TRHDE: variants seen among roughly 807,000 people sequenced by gnomAD.
TRHDE encodes the protein thyrotropin releasing hormone degrading enzyme.
Under a neutral mutation model 125.7 loss-of-function variants are expected in TRHDE, and 72 were observed. The observed-to-expected ratio is 0.57, with a 90% CI of 0.47 to 0.70. TRHDE has a LOEUF of 0.70. Among genes scored for constraint, TRHDE ranks in the 30% least tolerant of loss-of-function variants. TRHDE has a pLI of 0.00. For missense variants in TRHDE, 1,110 were observed against 1,327.1 expected (o/e 0.84, Z 2.54); for synonymous variants, 509 against 509.1 (o/e 1.00, Z 0.00).
chr12:72,426,488 A>G lies in TRHDE; in HGVS notation c.1316-43270A>G, dbSNP rs572358195. On this transcript the variant is annotated intron_variant, in intron 3 of 18. Transcript: ENST00000261180. ...TGCCAGACTCTTTTATAAATAATCT[A>G]CATGTATCTACTCCATTAATCCTAA... Among the ~76,000 whole-genome samples the G allele has an allele frequency of 1.3e-4, 20 of 152,284 alleles. 2 individuals carry two copies. The South Asian group carries it at 3.9e-3, about 30-fold the overall frequency.
chr12:72,238,283 T>C (rs1878378728), intron 2 of TRHDE, among the ~76,000 whole-genome samples: 1 of 16,842 alleles, frequency 5.9e-5, no homozygotes, highest in Non-Finnish European at 1.1e-4. Context: ...TTAATATATA[T>C]ATATATATAT....
intron 5 of TRHDE, among the ~76,000 whole-genome samples, chr12:72,495,232 A>G (rs1213401747): frequency 1.3e-5 from 2 of 151,952 alleles, no homozygotes; most frequent in Admixed American, 1.3e-4. Flanking sequence ...TCCTTCAGCA[A>G]CACCTTGTTC....
chr12:72,345,082 T>G (rs1870255715), intron 2 of TRHDE, among the ~76,000 whole-genome samples: 1 of 152,238 alleles, frequency 6.6e-6, no homozygotes, highest in Admixed American at 6.5e-5. Flanking sequence ...CAAATAGAAC[T>G]TCGCTTGTTA....
chr12:72,491,509 T>C (rs751441157), intron 5 of TRHDE, among the ~76,000 whole-genome samples: 1 of 151,950 alleles, frequency 6.6e-6, no homozygotes, highest in Non-Finnish European at 1.5e-5. Context: ...TTTTGTGTTC[T>C]ATCTTAGCAT....
intron 2 of TRHDE, among the ~76,000 whole-genome samples, chr12:72,121,683 T>G (rs1483917939): frequency 6.6e-6 from 1 of 151,758 alleles, no homozygotes; most frequent in African/African-American, 2.4e-5. Flanking sequence ...CTGGGTACTG[T>G]GATAGCTCAC....
In TRHDE at chr12:72,199,453, T is replaced by G. The variant is rs564801157; in HGVS notation, n.279+93701T>G. ...ACTACCTGGATAGAGCCTGTTGGGC[T>G]GGTGAAACTACCTGGAAACTATTGA... On this transcript the variant is annotated intron_variant and non_coding_transcript_variant, in intron 2 of 4. Transcript: ENST00000548156. Among the ~76,000 whole-genome samples the G allele has an allele frequency of 2.0e-5, 3 of 152,296 alleles. No homozygotes were observed. In the East Asian group the frequency reaches 5.8e-4, roughly 29 times the overall value.
chr12:72,239,644 AG>A (rs1248731599), intron 2 of TRHDE, among the ~76,000 whole-genome samples: 1 of 152,198 alleles, frequency 6.6e-6, no homozygotes, highest in African/African-American at 2.4e-5. Flanking sequence ...GAGCAATGGA[AG>A]GATGCAATTG....
chr12:72,295,140 GAT>G (rs2135678558), intron 2 of TRHDE, among the ~76,000 whole-genome samples: 1 of 146,710 alleles, frequency 6.8e-6, no homozygotes, highest in Admixed American at 6.8e-5. Context: ...GTGGCTGGGG[GAT>G]GGGGGGTGGT....
rs967689169 is a variant in TRHDE at position 72,613,739 on chromosome 12, G to T, written c.2322-5152G>T. ...GAAAATAGGTGCCTAAGTCAAGTTTGGGATCAGGCTTTCTGGAAGAGAAGG... is the reference window on the plus strand; with the variant it reads ...GAAAATAGGTGCCTAAGTCAAGTTTTGGATCAGGCTTTCTGGAAGAGAAGG... On this transcript the variant is annotated intron_variant, in intron 12 of 18. Transcript: ENST00000261180. Among the ~76,000 whole-genome samples the T allele has an allele frequency of 5.3e-5, 8 of 152,224 alleles. No homozygotes were observed. The East Asian group carries it at 1.4e-3, about 26-fold the overall frequency.
At chr12:72,610,595 G>A (rs1231542161) in intron 12 of TRHDE, 2 of 151,052 alleles carry the variant, frequency 1.3e-5, no homozygotes, top group African/African-American at 2.4e-5. Context: ...GGGTGCCTGC[G>A]TGTGTGTGTG....
chr12:72,568,684 G>GTATC, intron 10 of TRHDE, 28 bp downstream of exon 10: 5 of 1,497,194 alleles, frequency 3.3e-6, no homozygotes, highest in Non-Finnish European at 4.6e-6. Context: ...CCCTGAGGAA[G>GTATC]TATCTGGTTT....
At chr12:72,217,479 G>A (rs1249939490) in intron 2 of TRHDE, among the ~76,000 whole-genome samples, 1 of 152,092 alleles carries the variant, frequency 6.6e-6, no homozygotes, top group African/African-American at 2.4e-5. Context: ...CTGACAGCAC[G>A]TGAGAGTTCC....
intron 15 of TRHDE, among the ~76,000 whole-genome samples, chr12:72,638,644 G>A (rs1332995145): frequency 2.6e-5 from 4 of 151,906 alleles, no homozygotes; most frequent in South Asian, 2.1e-4. Flanking sequence ...GGCTGGTACC[G>A]GTCGTTCCAT....
At chr12:72,143,434 A>G (rs1050968522) in intron 2 of TRHDE, among the ~76,000 whole-genome samples, 2 of 152,038 alleles carry the variant, frequency 1.3e-5, no homozygotes, top group African/African-American at 4.8e-5. Context: ...CAGGGAAACA[A>G]AAGGGAGAGA....
At chr12:72,557,039 T>C (rs1869958079) in intron 7 of TRHDE, among the ~76,000 whole-genome samples, 1 of 152,168 alleles carries the variant, frequency 6.6e-6, no homozygotes, top group Non-Finnish European at 1.5e-5. Flanking sequence ...TCTCACCCTG[T>C]TATAAACAGC....
chr12:72,291,490 A>G (rs1179386793), intron 2 of TRHDE, among the ~76,000 whole-genome samples: 1 of 152,180 alleles, frequency 6.6e-6, no homozygotes, highest in Non-Finnish European at 1.5e-5. Flanking sequence ...TTTTCCAATT[A>G]AAAAGTAGTT....
intron 6 of TRHDE, among the ~76,000 whole-genome samples, chr12:72,507,635 A>C (rs1167589854): frequency 6.6e-6 from 1 of 152,196 alleles, no homozygotes; most frequent in Non-Finnish European, 1.5e-5. Context: ...AGAGTGTAAA[A>C]GTTTGGAAAA....
chr12:72,355,093 T>C (rs1870754645), intron 2 of TRHDE, among the ~76,000 whole-genome samples: 1 of 151,438 alleles, frequency 6.6e-6, no homozygotes, highest in African/African-American at 2.4e-5. Flanking sequence ...CTTAGTCTCC[T>C]GGGGAGAATA....
chr12:72,300,906 G>A (rs1311335540), intron 2 of TRHDE, among the ~76,000 whole-genome samples: 1 of 152,124 alleles, frequency 6.6e-6, no homozygotes, highest in East Asian at 1.9e-4. Flanking sequence ...GCCTGACTGA[G>A]TAGATGGTGC....
Sources: gnomAD v4.1 joint callset for allele counts (sites outside exome capture counted in the v4.1 genomes callset) on GRCh38, gnomAD v4.1.1 for gene constraint, MANE v1.5 for transcripts, NCBI Gene and HGNC (gene_info 2026-07-23, HGNC 2026-07-21) for gene names.